LCOR: variants seen among roughly 807,000 people sequenced by gnomAD.
The protein encoded by LCOR is ligand dependent nuclear receptor corepressor.
A neutral mutation model predicts 64.4 loss-of-function variants in LCOR; 14 were observed. The ratio of observed to expected loss-of-function variants is 0.22; its 90% confidence interval spans 0.14 to 0.34. LCOR has a LOEUF of 0.34. Among genes scored for constraint, LCOR ranks in the 10% least tolerant of loss-of-function variants. LCOR has a pLI of 1.00. For synonymous variants in LCOR, 643 were observed against 642.5 expected, an observed-to-expected ratio of 1.00 and a Z score of -0.01; for missense variants, 1,686 against 1,765.3, an observed-to-expected ratio of 0.96 and a Z score of 0.80.
rs995740213 is a variant in LCOR, at chr10:96,981,303, C to G, written c.843C>G (p.Phe281Leu). ...CATCTAATTGTTCCTCAGTGAACTTCCACCACATCCCTAAAATCTTGGAGG... is the reference window on the plus strand; with the variant it reads ...CATCTAATTGTTCCTCAGTGAACTTGCACCACATCCCTAAAATCTTGGAGG... ...LTASNCSSVN[F>L]HHIPKILEGQ... The change falls in exon 8 of 8, where the codon TTC becomes TTG. Residue 281 changes from phenylalanine (F) to leucine (L), a missense_variant. This residue lies in a region of LCOR where 313 missense variants were observed against 247.2 expected (regional missense o/e 1.27). Coordinates refer to ENST00000421806, the MANE Select transcript of LCOR (RefSeq NM_001346516.2). 13 of 1,539,740 alleles carry G rather than the reference C, an allele frequency of 8.4e-6. No individual in the cohort carries two copies. The highest frequency in any genetic ancestry group is 1.2e-5 in the Non-Finnish European group (13 of 1,116,682).
chr10:96,876,092 G>C (rs1225199242), intron 2 of LCOR, among the ~76,000 whole-genome samples: 1 of 151,406 alleles, frequency 6.6e-6, no homozygotes, highest in Non-Finnish European at 1.5e-5. Flanking sequence ...TTCATTTTCT[G>C]TTGCTATGAC....
chr10:96,944,063 T>C (rs1341604087), intron 4 of LCOR, 50 bp from the exon 5 acceptor site: 2 of 982,918 alleles, frequency 2.0e-6, no homozygotes, highest in Non-Finnish European at 2.4e-6. Flanking sequence ...GCTTTTGTTA[T>C]TGAATGGGGA....
chr10:96,949,526 G>A (rs967255407), intron 6 of LCOR, among the ~76,000 whole-genome samples: 1 of 152,110 alleles, frequency 6.6e-6, no homozygotes, highest in African/African-American at 2.4e-5. Context: ...AAAGTCAGGT[G>A]GTTAACAGTT....
At chr10:96,911,743 C>T (rs1220206681) in intron 4 of LCOR, among the ~76,000 whole-genome samples, 1 of 152,198 alleles carries the variant, frequency 6.6e-6, no homozygotes, top group Non-Finnish European at 1.5e-5. Flanking sequence ...CCTCAGTTAC[C>T]TGCTTACTTC....
intron 2 of LCOR, among the ~76,000 whole-genome samples, chr10:96,878,374 G>A (rs767612453): frequency 3.9e-5 from 6 of 152,206 alleles, no homozygotes; most frequent in Non-Finnish European, 7.3e-5. Context: ...CCAGATACTA[G>A]TAGAGGACAG....
chr10:96,888,805 G>A (rs1305264644), intron 2 of LCOR, among the ~76,000 whole-genome samples: 1 of 152,084 alleles, frequency 6.6e-6, no homozygotes, highest in Non-Finnish European at 1.5e-5. Context: ...GAAGTTCCCT[G>A]TGCTGTCTTT....
At chr10:96,863,396 G>C (rs1276726213) in intron 2 of LCOR, among the ~76,000 whole-genome samples, 1 of 151,260 alleles carries the variant, frequency 6.6e-6, no homozygotes, top group Non-Finnish European at 1.5e-5. Context: ...TAGAGACGGG[G>C]TTTCACCATG....
chr10:96,897,885 T>G (rs1846567724), intron 2 of LCOR, among the ~76,000 whole-genome samples: 1 of 149,248 alleles, frequency 6.7e-6, no homozygotes. Context: ...TTTTTTTTTT[T>G]TGTTTGGTCA....
At chr10:96,958,705 C>T in intron 7 of LCOR, 2 of 399,558 alleles carry the variant, frequency 5.0e-6, no homozygotes, top group Non-Finnish European at 9.1e-6. Context: ...TTTTCTTTTC[C>T]AAGAAGCTTT....
In LCOR at chr10:96,927,834, C is replaced by T. The variant is rs534606798; in HGVS notation, c.-183-16279C>T. 2.0e-5 allele frequency among the ~76,000 whole-genome samples: 3 copies of T among 152,284 alleles called. No individual in the cohort carries two copies. In the East Asian group the frequency reaches 5.8e-4, roughly 29 times the overall value. On this transcript the variant is annotated intron_variant, in intron 4 of 7. Transcript: ENST00000421806. ...GAGATAATGTGGATTGGGTTCCAGA[C>T]CATCATAATAAAGCGAATGTCACAA...
chr10:96,854,399 C>T (rs547464565), intron 2 of LCOR, among the ~76,000 whole-genome samples: 8 of 152,240 alleles, frequency 5.3e-5, no homozygotes, highest in African/African-American at 1.4e-4. Flanking sequence ...GATCTCGGCT[C>T]AACCACAGCC....
intron 7 of LCOR, chr10:96,958,906 T>TAAAAAAAAAAAAAA (rs74784568): frequency 9.6e-6 from 1 of 103,904 alleles, no homozygotes; most frequent in Admixed American, 1.0e-4. Context: ...AAGAAAAACT[T>TAAAAAAAAAAAAAA]AAAAAAAAAA....
chr10:96,989,696 T>TATATA lies in LCOR; in HGVS notation c.*4562_*4563insATATA, dbSNP rs1491204310. 9.0e-4 allele frequency: 58 copies of TATATA among 64,600 alleles called. No homozygotes were observed. Among genetic ancestry groups the TATATA allele is most frequent in the African/African-American group, 4.2e-3 (38 of 9,040 alleles). The allele number at this position is 64,600 out of a possible 1,614,324, so 4.0% of individuals were successfully genotyped here. On this transcript the variant is annotated 3_prime_UTR_variant, in exon 8 of 8. Transcript: ENST00000421806. The stretch of plus-strand genomic sequence containing the variant: ...AAGGATATATATATATATATATATA[T>TATATA]TTTTTTTTTTTTTTTTTTTTTTTAA...
chr10:96,958,271 A>T (rs1254438773), intron 7 of LCOR: 3 of 1,337,788 alleles, frequency 2.2e-6, no homozygotes, highest in Non-Finnish European at 2.9e-6. Flanking sequence ...CAACTTTTGT[A>T]GAGTTTATTG....
Position 96,894,034 on chromosome 10 carries a change from T to C in LCOR, c.-329-13231T>C, listed in dbSNP as rs183314980. Among the ~76,000 whole-genome samples the C allele has an allele frequency of 8.5e-4, 129 of 152,296 alleles. 1 individual carries two copies. The highest frequency in any genetic ancestry group is 1.5e-3 in the Non-Finnish European group (104 of 68,020). On this transcript the variant is annotated intron_variant, in intron 2 of 7. Transcript: ENST00000421806. ...AGGAAAGATAACAGCTGGAAGGGACTTTTGAACTATGGCCTTGAAGACCAC... is the reference window on the plus strand; with the variant it reads ...AGGAAAGATAACAGCTGGAAGGGACCTTTGAACTATGGCCTTGAAGACCAC...
intron 2 of LCOR, among the ~76,000 whole-genome samples, chr10:96,890,195 T>A (rs998117239): frequency 2.0e-5 from 3 of 152,110 alleles, no homozygotes; most frequent in Non-Finnish European, 4.4e-5. Context: ...TTTGAACTCC[T>A]GGAGTGAAGT....
At chr10:96,957,898 G>T (rs1315611454) in intron 7 of LCOR, 9 of 986,056 alleles carry the variant, frequency 9.1e-6, no homozygotes, top group Non-Finnish European at 1.1e-5. Flanking sequence ...CTTCTTAACA[G>T]AAAAAACAGT....
intron 7 of LCOR, among the ~76,000 whole-genome samples, chr10:96,973,721 G>A (rs1848016754): frequency 1.3e-5 from 2 of 152,268 alleles, no homozygotes; most frequent in South Asian, 4.2e-4. Flanking sequence ...GGGACTCCCT[G>A]TTTCTGCTAT....
rs538497546 is a variant in LCOR, at chr10:96,906,877, T to C, written c.-329-388T>C. On this transcript the variant is annotated intron_variant, in intron 2 of 7. Transcript: ENST00000421806. Reference sequence around the variant, plus strand: ...TCAACTGGTATTTTGAAAAATGCTATTTAGATTATTTTAGAAAGTTGTGGA... The same window carrying C: ...TCAACTGGTATTTTGAAAAATGCTACTTAGATTATTTTAGAAAGTTGTGGA... Among the ~76,000 whole-genome samples, 16 of 152,326 alleles carry C rather than the reference T, an allele frequency of 1.1e-4. No homozygotes were observed. In the East Asian group the frequency reaches 3.1e-3, roughly 29 times the overall value.
Sources: gnomAD v4.1 joint callset for allele counts (sites outside exome capture counted in the v4.1 genomes callset) on GRCh38, gnomAD v4.1.1 for gene constraint, gnomAD v4.1.1 regional missense constraint, MANE v1.5 for transcripts, NCBI Gene and HGNC (gene_info 2026-07-23, HGNC 2026-07-21) for gene names.